HSPA4L: variants seen among roughly 807,000 people sequenced by gnomAD.
The protein encoded by HSPA4L is heat shock protein family A (Hsp70) member 4 like, also known as heat shock 70 kDa protein 4L.
HSPA4L carries 48 observed loss-of-function variants against 100.3 expected under a neutral mutation model. The observed-to-expected ratio is 0.48, with a 90% CI of 0.38 to 0.61. The LOEUF (loss-of-function observed/expected upper bound fraction) is 0.61, where lower values mean the gene tolerates loss of function less well. HSPA4L is among the 20% of genes least tolerant of loss of function. The pLI is 0.00. For missense variants in HSPA4L, 886 were observed against 988.6 expected (o/e 0.90, Z 1.39); for synonymous variants, 319 against 328.2 (o/e 0.97, Z 0.30).
At chr4:127,798,770 A>G in intron 4 of HSPA4L, 61 bp downstream of exon 4, 1 of 1,484,576 alleles carries the variant, frequency 6.7e-7, no homozygotes, top group Non-Finnish European at 9.2e-7. Flanking sequence ...TTAATGTAAT[A>G]TTGAAAGATT....
intron 1 of HSPA4L, among the ~76,000 whole-genome samples, chr4:127,793,493 G>A (rs2148778624): frequency 6.6e-6 from 1 of 152,222 alleles, no homozygotes; most frequent in Non-Finnish European, 1.5e-5. Flanking sequence ...TGATGAAGAT[G>A]TTATTCTGTG....
intron 3 of HSPA4L, 80 bp from the exon 4 acceptor site, chr4:127,798,507 C>A: frequency 7.2e-7 from 1 of 1,382,994 alleles, no homozygotes; most frequent in Non-Finnish European, 1.0e-6. Context: ...GTATGTCTAT[C>A]ACATATACAG....
At chr4:127,814,222 A>G (rs1359222959) in intron 12 of HSPA4L, among the ~76,000 whole-genome samples, 3 of 152,158 alleles carry the variant, frequency 2.0e-5, no homozygotes, top group Non-Finnish European at 4.4e-5. Flanking sequence ...TTACCTGCTT[A>G]TGATAGTTTT....
intron 11 of HSPA4L, among the ~76,000 whole-genome samples, chr4:127,808,995 G>A (rs980393457): frequency 7.7e-6 from 1 of 130,232 alleles, no homozygotes. Flanking sequence ...AACTTTAATT[G>A]GTATATTCTA....
At chr4:127,783,181 CTT>C (rs11301869) in intron 1 of HSPA4L, among the ~76,000 whole-genome samples, 305 of 145,720 alleles carry the variant, frequency 2.1e-3, no homozygotes, top group Admixed American at 3.7e-3. Context: ...CCCCGAAAGC[CTT>C]TTTTTTTTTT....
rs569294066 is a variant in HSPA4L at position 127,829,659 on chromosome 4, G to A, written c.2167-979G>A. 3.9e-5 allele frequency among the ~76,000 whole-genome samples: 6 copies of A among 152,220 alleles called. No homozygotes were observed. In the South Asian group the frequency reaches 6.2e-4, roughly 16 times the overall value. On this transcript the variant is annotated intron_variant, in intron 17 of 18. Coordinates refer to ENST00000296464, the MANE Select transcript of HSPA4L (RefSeq NM_014278.4). ...TTGCTGAGATGAGGAAAACTGGGAA[G>A]AGTAGGTGGGGACATAATCAGGTGT...
In HSPA4L at chr4:127,807,986, T is replaced by C. The variant is rs531146009; in HGVS notation, c.1245-10T>C. Reference sequence around the variant, plus strand: ...TTTGTTTCTAAGTGAGTTCTTTCCCTCCATTTTAGGGAATGTGAAGTTTTC... The same window carrying C: ...TTTGTTTCTAAGTGAGTTCTTTCCCCCCATTTTAGGGAATGTGAAGTTTTC... On this transcript the variant is annotated splice_polypyrimidine_tract_variant and intron_variant, in intron 10 of 18. Coordinates refer to ENST00000296464, the MANE Select transcript of HSPA4L (RefSeq NM_014278.4). 247 of 1,604,382 alleles carry C rather than the reference T, an allele frequency of 1.5e-4. 4 individuals are homozygous for C. In the South Asian group the frequency reaches 2.6e-3, roughly 17 times the overall value.
At position 127,838,583 on chromosome 4, in the gene HSPA4L, A is replaced by T. The variant is rs1032714758; in HGVS notation, c.*5709A>T. The T allele has an allele frequency of 7.2e-5, 11 of 152,208 alleles. No individual in the cohort carries two copies. Among genetic ancestry groups the T allele is most frequent in the Non-Finnish European group, 1.3e-4 (9 of 68,034 alleles). 9.4% of individuals were successfully genotyped at this position (152,208 alleles called of 1,614,324 possible). ...AAGTCACAGGATGATTATTAGGGAAATGTCATTGACACCTGAAAATTACCT... is the reference window on the plus strand; with the variant it reads ...AAGTCACAGGATGATTATTAGGGAATTGTCATTGACACCTGAAAATTACCT... On this transcript the variant is annotated 3_prime_UTR_variant, in exon 19 of 19. Transcript: ENST00000296464.
chr4:127,811,008 CTTTA>C (rs1337709615), intron 11 of HSPA4L, among the ~76,000 whole-genome samples: 1 of 151,946 alleles, frequency 6.6e-6, no homozygotes, highest in African/African-American at 2.4e-5. Flanking sequence ...ATTGGAATTG[CTTTA>C]TTTATGAATT....
At chr4:127,808,598 G>A (rs1401274627) in intron 11 of HSPA4L, among the ~76,000 whole-genome samples, 1 of 152,016 alleles carries the variant, frequency 6.6e-6, no homozygotes, top group African/African-American at 2.4e-5. Context: ...TTGAGCCCAG[G>A]AGTTGAAGAC....
At chr4:127,815,549 A>C (rs1241580615) in intron 12 of HSPA4L, among the ~76,000 whole-genome samples, 2 of 152,102 alleles carry the variant, frequency 1.3e-5, no homozygotes, top group East Asian at 3.8e-4. Flanking sequence ...GGGATCAAAG[A>C]AACTATATGC....
chr4:127,783,735 A>G (rs1732635009), intron 1 of HSPA4L: 1 of 1,435,024 alleles, frequency 7.0e-7, no homozygotes, highest in South Asian at 1.2e-5. Flanking sequence ...TAATACCTTA[A>G]CTATACTAAA....
rs188731801 is a variant in HSPA4L at position 127,837,659 on chromosome 4, T to C, written c.*4785T>C. ...CTAAAGCAAGAATATAAAATAATTT[T>C]AAGAAGCATATAATTTCTTTTGATA... On this transcript the variant is annotated 3_prime_UTR_variant, in exon 19 of 19. Transcript: ENST00000296464. 1.3e-5 allele frequency: 2 copies of C among 152,312 alleles called. No individual in the cohort carries two copies. Among genetic ancestry groups the C allele is most frequent in the Admixed American group, 1.3e-4 (2 of 15,292 alleles). The allele number at this position is 152,312 out of a possible 1,614,324, so 9.4% of individuals were successfully genotyped here.
At chr4:127,809,237 G>C (rs767947246) in intron 11 of HSPA4L, 10 of 1,392,562 alleles carry the variant, frequency 7.2e-6, no homozygotes, top group Non-Finnish European at 1.0e-5. Context: ...TGGACAAAGA[G>C]AAAAGAAGAC....
chr4:127,832,937 A>G lies in HSPA4L; in HGVS notation c.*63A>G. ...AGTAACCACGGGGTCCATCTTTTAC[A>G]TCTGGTACACACAACAGACGCTCAG... On this transcript the variant is annotated 3_prime_UTR_variant, in exon 19 of 19. Coordinates refer to ENST00000296464, the MANE Select transcript of HSPA4L (RefSeq NM_014278.4). 1 of 1,209,336 alleles carries G rather than the reference A, an allele frequency of 8.3e-7. No individual in the cohort carries two copies. The highest frequency in any genetic ancestry group is 1.2e-6 in the Non-Finnish European group (1 of 861,390). The allele number at this position is 1,209,336 out of a possible 1,614,324, so 74.9% of individuals were successfully genotyped here. A position where few individuals can be genotyped will look rare whatever the true frequency, so the allele number is the denominator to read the frequency against.
In HSPA4L at chr4:127,833,594, A is replaced by G. The variant is rs918185578; in HGVS notation, c.*720A>G. 13 of 152,188 alleles carry G rather than the reference A, an allele frequency of 8.5e-5. No homozygotes were observed. The highest frequency in any genetic ancestry group is 2.9e-4 in the African/African-American group (12 of 41,456). The allele number at this position is 152,188 out of a possible 1,614,324, so 9.4% of individuals were successfully genotyped here. A position where few individuals can be genotyped will look rare whatever the true frequency, so the allele number is the denominator to read the frequency against. ...CTTGTCCTGAAGACTAGCTGCTGCT[A>G]AAACAATGCTAGCCTAAAGATACAG... On this transcript the variant is annotated 3_prime_UTR_variant, in exon 19 of 19. Transcript: ENST00000296464.
At chr4:127,830,308 A>G (rs1408999065) in intron 17 of HSPA4L, among the ~76,000 whole-genome samples, 4 of 152,138 alleles carry the variant, frequency 2.6e-5, no homozygotes, top group Middle Eastern at 3.2e-3. Flanking sequence ...CTAGTTTGCT[A>G]TATGCCTTGT....
intron 14 of HSPA4L, 109 bp downstream of exon 14, chr4:127,820,674 AATTAT>A (rs748485254): frequency 3.1e-6 from 3 of 973,046 alleles, no homozygotes; most frequent in South Asian, 3.1e-5. Context: ...ACTCCTAAGG[AATTAT>A]ATTAAGTAGA....
At chr4:127,789,060 T>C (rs1490591605) in intron 1 of HSPA4L, among the ~76,000 whole-genome samples, 1 of 152,212 alleles carries the variant, frequency 6.6e-6, no homozygotes, top group Non-Finnish European at 1.5e-5. Context: ...ACTGAGCTTT[T>C]AGGCAACAAA....
Sources: allele counts gnomAD v4.1 joint callset (sites outside exome capture counted in the v4.1 genomes callset), GRCh38; gene constraint gnomAD v4.1.1; transcripts MANE v1.5; gene names NCBI Gene and HGNC (gene_info 2026-07-23, HGNC 2026-07-21).